The following FSIP1 variants were observed in gnomAD, a reference collection of about 807,000 sequenced individuals.
FSIP1 encodes fibrous sheath-interacting protein 1.
In FSIP1, 65 loss-of-function variants were observed where a neutral mutation model predicts 60.9. That is an observed-to-expected ratio of 1.07 (90% CI 0.87 to 1.31). The LOEUF (loss-of-function observed/expected upper bound fraction) is 1.31, where lower values mean the gene tolerates loss of function less well. Among genes scored for constraint, FSIP1 ranks in the 40% most tolerant of loss-of-function variants. The pLI is 0.00. For synonymous variants in FSIP1, 209 were observed against 221.2 expected, an observed-to-expected ratio of 0.94 and a Z score of 0.49; for missense variants, 675 against 665.5, an observed-to-expected ratio of 1.01 and a Z score of -0.16.
At chr15:39,758,496 C>A (rs969464191) in intron 5 of FSIP1, among the ~76,000 whole-genome samples, 1 of 151,280 alleles carries the variant, frequency 6.6e-6, no homozygotes, top group African/African-American at 2.5e-5. Flanking sequence ...CTGACACTGT[C>A]CATGGATTTT....
chr15:39,696,847 A>T (rs1894831866), intron 10 of FSIP1, among the ~76,000 whole-genome samples: 1 of 146,090 alleles, frequency 6.8e-6, no homozygotes, highest in African/African-American at 2.6e-5. Context: ...AGAAGAGAGG[A>T]AAGGAGGAGG....
intron 8 of FSIP1, among the ~76,000 whole-genome samples, chr15:39,734,783 A>G (rs1300896181): frequency 1.3e-5 from 2 of 152,156 alleles, no homozygotes; most frequent in African/African-American, 2.4e-5. Context: ...AATGAATATG[A>G]GCAAATTAAA....
intron 10 of FSIP1, among the ~76,000 whole-genome samples, chr15:39,620,045 G>A (rs1272337821): frequency 6.6e-6 from 1 of 151,990 alleles, no homozygotes; most frequent in Non-Finnish European, 1.5e-5. Flanking sequence ...GAAAATCAAA[G>A]CAATTATGAA....
intron 9 of FSIP1, among the ~76,000 whole-genome samples, chr15:39,723,528 CTGAAG>C (rs1896068243): frequency 6.6e-6 from 1 of 152,188 alleles, no homozygotes; most frequent in Non-Finnish European, 1.5e-5. Context: ...CATGCCCAGC[CTGAAG>C]TGAGACTTTT....
At chr15:39,625,670 C>G (rs1011391624) in intron 10 of FSIP1, among the ~76,000 whole-genome samples, 1 of 152,106 alleles carries the variant, frequency 6.6e-6, no homozygotes, top group Admixed American at 6.6e-5. Context: ...CTTCCTTTCC[C>G]GAAACAAGTC....
chr15:39,684,141 T>A, intron 10 of FSIP1, among the ~76,000 whole-genome samples: 1 of 152,028 alleles, frequency 6.6e-6, no homozygotes, highest in South Asian at 2.1e-4. Context: ...ACAATTTTGA[T>A]AAAGGAAAAA....
intron 11 of FSIP1, chr15:39,602,472 A>G: frequency 2.3e-6 from 1 of 429,274 alleles, no homozygotes; most frequent in South Asian, 1.7e-5. Context: ...TAATACAAAT[A>G]TATGAATTAT....
intron 9 of FSIP1, among the ~76,000 whole-genome samples, chr15:39,722,935 G>GAA (rs113496837): frequency 7.1e-6 from 1 of 140,528 alleles, no homozygotes. Context: ...GTCTCTTGAA[G>GAA]AAAAAAAAAA....
intron 10 of FSIP1, among the ~76,000 whole-genome samples, chr15:39,674,115 C>T (rs1311624036): frequency 6.0e-5 from 9 of 150,844 alleles, no homozygotes; most frequent in Middle Eastern, 3.4e-3. Flanking sequence ...AGTGCAGTGG[C>T]GCGATCTCGG....
chr15:39,734,361 A>T (rs1033586093), intron 8 of FSIP1, among the ~76,000 whole-genome samples: 8 of 152,200 alleles, frequency 5.3e-5, no homozygotes, highest in African/African-American at 1.9e-4. Flanking sequence ...GTCCAAATAC[A>T]CAGTTAATGA....
chr15:39,746,764 G>A (rs550974405), intron 5 of FSIP1, among the ~76,000 whole-genome samples: 3 of 152,226 alleles, frequency 2.0e-5, no homozygotes, highest in African/African-American at 4.8e-5. Flanking sequence ...AACTAGAGGA[G>A]TAAGTCACAG....
chr15:39,616,588 G>A (rs1444545128), intron 11 of FSIP1, among the ~76,000 whole-genome samples: 8 of 152,182 alleles, frequency 5.3e-5, no homozygotes, highest in Admixed American at 3.3e-4. Flanking sequence ...GGAAATCACC[G>A]AAATCATTAG....
intron 10 of FSIP1, among the ~76,000 whole-genome samples, chr15:39,639,777 G>A (rs1049097177): frequency 2.6e-5 from 4 of 152,160 alleles, no homozygotes; most frequent in Admixed American, 6.5e-5. Flanking sequence ...GTACAACAGG[G>A]AAGAACGGGG....
chr15:39,741,687 A>C (rs966853739), intron 6 of FSIP1, 118 bp downstream of exon 6: 3 of 587,702 alleles, frequency 5.1e-6, no homozygotes, highest in Non-Finnish European at 9.2e-6. Context: ...CTTGAACTCT[A>C]CTTGCTTCCA....
chr15:39,615,214 C>CT (rs1168685831), intron 11 of FSIP1, among the ~76,000 whole-genome samples: 2 of 151,764 alleles, frequency 1.3e-5, no homozygotes, highest in African/African-American at 2.4e-5. Context: ...TGAGCAGTGA[C>CT]TTTTTTTTAA....
At chr15:39,713,728 G>C in intron 9 of FSIP1, 147 bp from the exon 10 acceptor site, 1 of 661,554 alleles carries the variant, frequency 1.5e-6, no homozygotes, top group Non-Finnish European at 2.4e-6. Flanking sequence ...ACGCTTTAAA[G>C]TCTTCCCATT....
chr15:39,717,403 AT>A (rs971221572), intron 9 of FSIP1, among the ~76,000 whole-genome samples: 9 of 151,974 alleles, frequency 5.9e-5, no homozygotes, highest in African/African-American at 1.7e-4. Flanking sequence ...AGCTTAGGGT[AT>A]TTTTTCCCCT....
At chr15:39,615,728 C>CAAAAAAAAA (rs35259437) in intron 11 of FSIP1, among the ~76,000 whole-genome samples, 1 of 119,820 alleles carries the variant, frequency 8.3e-6, no homozygotes, top group African/African-American at 3.2e-5. Flanking sequence ...ACTAAAAATA[C>CAAAAAAAAA]AAAAAAAAAA....
At chr15:39,632,759 T>C (rs865906054) in intron 10 of FSIP1, among the ~76,000 whole-genome samples, 1 of 151,966 alleles carries the variant, frequency 6.6e-6, no homozygotes, top group South Asian at 2.1e-4. Context: ...GCCACTGCAC[T>C]CCAACCTGGT....
Sources: gnomAD v4.1 joint callset for allele counts (sites outside exome capture counted in the v4.1 genomes callset) on GRCh38, gnomAD v4.1.1 for gene constraint, MANE v1.5 for transcripts, NCBI Gene and HGNC (gene_info 2026-07-23, HGNC 2026-07-21) for gene names.